The following XKR9 variants were observed in gnomAD, a reference collection of about 807,000 sequenced individuals.
XKR9 encodes XK related 9, also known as XK-related protein 9.
In XKR9, 32 loss-of-function variants were observed where a neutral mutation model predicts 32.0. That is an observed-to-expected ratio of 1.00 (90% CI 0.76 to 1.34). The LOEUF (loss-of-function observed/expected upper bound fraction) is 1.34, where lower values mean the gene tolerates loss of function less well. Among genes scored for constraint, XKR9 ranks in the 40% most tolerant of loss-of-function variants. The pLI, the probability that XKR9 is intolerant of heterozygous loss-of-function variation, is 0.00. For missense variants in XKR9, 546 were observed against 429.7 expected, an observed-to-expected ratio of 1.27 and a Z score of -2.39; for synonymous variants, 168 against 143.4, an observed-to-expected ratio of 1.17 and a Z score of -1.22.
downstream of XKR9, among the ~76,000 whole-genome samples, chr8:70,739,191 C>T (rs534743512): frequency 7.9e-3 from 1,205 of 152,232 alleles, 17 homozygotes; most frequent in Non-Finnish European, 0.012. Flanking sequence ...GTGAGCTCTT[C>T]TTGTTGAATT....
At chr8:71,054,843 G>T in the XKR9 span, among the ~76,000 whole-genome samples, 1 of 152,156 alleles carries the variant, frequency 6.6e-6, no homozygotes, top group Non-Finnish European at 1.5e-5. Context: ...TGTTGCTAAA[G>T]TTGAAACATT....
chr8:70,819,186 G>A, the XKR9 span, among the ~76,000 whole-genome samples: 2 of 152,120 alleles, frequency 1.3e-5, no homozygotes, highest in Non-Finnish European at 2.9e-5. Context: ...AGATTTCCTG[G>A]TTTGTCTGTT....
At chr8:70,899,688 G>A in the XKR9 span, among the ~76,000 whole-genome samples, 4 of 152,172 alleles carry the variant, frequency 2.6e-5, no homozygotes, top group South Asian at 2.1e-4. Flanking sequence ...GCTGTAGTAC[G>A]CTTGCTCCTT....
At chr8:70,853,188 T>C in the XKR9 span, among the ~76,000 whole-genome samples, 26 of 152,134 alleles carry the variant, frequency 1.7e-4, no homozygotes, top group Non-Finnish European at 3.4e-4. Flanking sequence ...TTGTGGGATC[T>C]AAAAATCAAA....
At chr8:70,861,222 A>C in the XKR9 span, among the ~76,000 whole-genome samples, 2 of 152,164 alleles carry the variant, frequency 1.3e-5, no homozygotes, top group African/African-American at 4.8e-5. Context: ...TGGAATCTGG[A>C]GGCAGACTGC....
At chr8:70,866,131 G>T in the XKR9 span, among the ~76,000 whole-genome samples, 1 of 152,186 alleles carries the variant, frequency 6.6e-6, no homozygotes, top group Non-Finnish European at 1.5e-5. Flanking sequence ...TGCTTTGCAT[G>T]TATTAATATA....
chr8:70,783,464 G>A (rs1807643843), intron 2 of XKR9, among the ~76,000 whole-genome samples: 1 of 152,138 alleles, frequency 6.6e-6, no homozygotes, highest in African/African-American at 2.4e-5. Flanking sequence ...CTGACCTCGT[G>A]ATCTGCCTGC....
intron 2 of XKR9, among the ~76,000 whole-genome samples, chr8:70,778,267 T>A (rs1807561130): frequency 6.6e-6 from 1 of 152,128 alleles, no homozygotes; most frequent in African/African-American, 2.4e-5. Flanking sequence ...AGATGTGTGG[T>A]GTTATTTCTG....
chr8:70,813,455 C>A, the XKR9 span, among the ~76,000 whole-genome samples: 4 of 152,126 alleles, frequency 2.6e-5, no homozygotes, highest in Non-Finnish European at 4.4e-5. Context: ...TGCAATTAAA[C>A]TAAAGAGCTT....
intron 3 of XKR9, among the ~76,000 whole-genome samples, chr8:70,703,892 A>C (rs941408127): frequency 2.0e-5 from 3 of 152,158 alleles, no homozygotes; most frequent in Non-Finnish European, 2.9e-5. Flanking sequence ...GTTTCATAAA[A>C]GTGAAACAGG....
At chr8:70,757,366 G>A (rs1807241649) in intron 2 of XKR9, among the ~76,000 whole-genome samples, 1 of 151,522 alleles carries the variant, frequency 6.6e-6, no homozygotes, top group Non-Finnish European at 1.5e-5. Flanking sequence ...CTTCCAGTTT[G>A]CAAGTTCTTT....
At chr8:70,919,548 G>A in the XKR9 span, among the ~76,000 whole-genome samples, 1 of 152,310 alleles carries the variant, frequency 6.6e-6, no homozygotes, top group East Asian at 1.9e-4. Context: ...CTCCAGGATA[G>A]CGCTTTAACA....
chr8:70,977,651 C>A, the XKR9 span, among the ~76,000 whole-genome samples: 26 of 152,246 alleles, frequency 1.7e-4, no homozygotes, highest in Admixed American at 5.9e-4. Flanking sequence ...TCCTTTACTT[C>A]CAGCTATGTG....
intron 3 of XKR9, among the ~76,000 whole-genome samples, chr8:70,702,467 A>G (rs939293272): frequency 2.0e-5 from 3 of 152,176 alleles, no homozygotes; most frequent in East Asian, 1.9e-4. Flanking sequence ...TAAATTATCA[A>G]TGTCCTTATT....
At chr8:70,681,818 G>A (rs1000911173) in intron 3 of XKR9, among the ~76,000 whole-genome samples, 3 of 151,992 alleles carry the variant, frequency 2.0e-5, no homozygotes, top group African/African-American at 7.2e-5. Context: ...GTAGAGAAAC[G>A]AGACTCTAAA....
the XKR9 span, among the ~76,000 whole-genome samples, chr8:70,854,473 G>T: frequency 6.6e-6 from 1 of 152,110 alleles, no homozygotes; most frequent in Non-Finnish European, 1.5e-5. Context: ...TTTGTAGGTT[G>T]CCTGTTCACT....
At chr8:70,808,283 G>A in the XKR9 span, among the ~76,000 whole-genome samples, 4 of 152,190 alleles carry the variant, frequency 2.6e-5, no homozygotes, top group Admixed American at 6.5e-5. Flanking sequence ...AAGAGGAACA[G>A]TTATAGCACT....
intron 4 of XKR9, among the ~76,000 whole-genome samples, chr8:70,730,328 A>C (rs1010744932): frequency 2.0e-5 from 3 of 152,184 alleles, no homozygotes; most frequent in Non-Finnish European, 4.4e-5. Context: ...TATGTAGTTT[A>C]AATTAGTTTA....
the XKR9 span, among the ~76,000 whole-genome samples, chr8:70,976,355 C>T: frequency 6.6e-6 from 1 of 152,004 alleles, no homozygotes; most frequent in Non-Finnish European, 1.5e-5. Flanking sequence ...ATGATAGTGG[C>T]TGTGGGTTTG....
Sources: allele counts gnomAD v4.1 joint callset (sites outside exome capture counted in the v4.1 genomes callset), GRCh38; gene constraint gnomAD v4.1.1; transcripts MANE v1.5; gene names NCBI Gene and HGNC (gene_info 2026-07-23, HGNC 2026-07-21).